Variants in ATXN3 observed in about 807,000 individuals in gnomAD.
ATXN3 encodes the protein ataxin-3.
ATXN3 carries 28 observed loss-of-function variants against 58.2 expected under a neutral mutation model. That is an observed-to-expected ratio of 0.48 (90% CI 0.36 to 0.66). The LOEUF (loss-of-function observed/expected upper bound fraction) is 0.66. ATXN3 is among the 30% of genes least tolerant of loss of function. ATXN3 has a pLI of 0.00. For missense variants in ATXN3, 321 were observed against 422.1 expected (o/e 0.76, Z 2.10); for synonymous variants, 113 against 138.5 (o/e 0.82, Z 1.29).
intron 7 of ATXN3, among the ~76,000 whole-genome samples, chr14:92,082,864 G>A (rs2061717481): frequency 6.6e-6 from 1 of 151,940 alleles, no homozygotes; most frequent in African/African-American, 2.4e-5. Context: ...TGCCCAGGCT[G>A]GTCTCGAACT....
At chr14:92,083,495 A>G (rs1174059154) in intron 6 of ATXN3, 1 of 627,320 alleles carries the variant, frequency 1.6e-6, no homozygotes, top group Non-Finnish European at 2.9e-6. Flanking sequence ...GAGCCGTCTC[A>G]TTGAGTGACT....
chr14:92,055,475 C>T (rs1595427244), downstream of ATXN3, among the ~76,000 whole-genome samples: 1 of 152,114 alleles, frequency 6.6e-6, no homozygotes. The surrounding 1 kb of genome is among the most constrained non-coding windows in gnomAD (Gnocchi z 4.5). Flanking sequence ...TTTTCATCTT[C>T]CCAAACTGAA....
At chr14:92,068,318 G>T (rs1189369992) in intron 10 of ATXN3, among the ~76,000 whole-genome samples, 1 of 152,186 alleles carries the variant, frequency 6.6e-6, no homozygotes, top group Non-Finnish European at 1.5e-5. Context: ...TTGCTGACAG[G>T]GGTGAATGGG....
chr14:92,105,884 A>G (rs186350061), intron 1 of ATXN3, among the ~76,000 whole-genome samples: 10 of 152,252 alleles, frequency 6.6e-5, no homozygotes, highest in Admixed American at 6.5e-4. Flanking sequence ...AAACCCAAAC[A>G]TCCCGTAATA....
At chr14:92,106,430 GC>G (rs2068427686) in intron 1 of ATXN3, 98 bp downstream of exon 1, 1 of 1,501,800 alleles carries the variant, frequency 6.7e-7, no homozygotes, top group African/African-American at 1.4e-5. Flanking sequence ...CGGCATGGGG[GC>G]GACTCGGGCC....
At chr14:92,076,202 T>C (rs889134444) in intron 9 of ATXN3, among the ~76,000 whole-genome samples, 2 of 152,168 alleles carry the variant, frequency 1.3e-5, no homozygotes, top group African/African-American at 2.4e-5. Flanking sequence ...TCCCAGCATG[T>C]TGGGAGACCC....
At chr14:92,075,513 T>C (rs1175663278) in intron 9 of ATXN3, among the ~76,000 whole-genome samples, 1 of 152,194 alleles carries the variant, frequency 6.6e-6, no homozygotes, top group Non-Finnish European at 1.5e-5. Flanking sequence ...CTTTATGCAT[T>C]TATGCAATTA....
chr14:92,048,513 C>T (rs2057436869), intron 1 of ATXN3, among the ~76,000 whole-genome samples: 1 of 152,146 alleles, frequency 6.6e-6, no homozygotes, highest in Non-Finnish European at 1.5e-5. Flanking sequence ...GGGTTGTTGC[C>T]AAACAGGCCA....
intron 9 of ATXN3, among the ~76,000 whole-genome samples, chr14:92,075,353 G>T (rs2140477833): frequency 6.6e-6 from 1 of 152,144 alleles, no homozygotes; most frequent in African/African-American, 2.4e-5. Context: ...TTTTAGTAGA[G>T]AAGAGGTTTC....
Position 92,080,453 on chromosome 14 carries a change from G to A in ATXN3, c.872+512C>T, listed in dbSNP as rs906588579. On this transcript the variant is annotated intron_variant, in intron 9 of 10. Coordinates refer to ENST00000644486, the MANE Select transcript of ATXN3 (RefSeq NM_004993.6). ...AATTTTATAAGGTTTCCTTCACTCAGTTTAAAAAATTTATCCAGTATTGGG... is the reference window on the plus strand; with the variant it reads ...AATTTTATAAGGTTTCCTTCACTCAATTTAAAAAATTTATCCAGTATTGGG... The A allele has an allele frequency of 2.6e-5, 4 of 153,206 alleles. No individual in the cohort carries two copies. In the Middle Eastern group the frequency reaches 2.3e-3, roughly 88 times the overall value. The allele number at this position is 153,206 out of a possible 1,614,324, so 9.5% of individuals were successfully genotyped here. A position where few individuals can be genotyped will look rare whatever the true frequency, so the allele number is the denominator to read the frequency against.
chr14:92,069,496 C>T (rs934781128), intron 10 of ATXN3, among the ~76,000 whole-genome samples: 9 of 151,074 alleles, frequency 6.0e-5, no homozygotes, highest in Non-Finnish European at 8.8e-5. Flanking sequence ...GCCTCAGCCT[C>T]CTGAATAGCT....
intron 1 of ATXN3, among the ~76,000 whole-genome samples, chr14:92,102,938 C>T (rs993292651): frequency 6.6e-6 from 1 of 152,140 alleles, no homozygotes; most frequent in African/African-American, 2.4e-5. Flanking sequence ...ATCCAGCAAT[C>T]ACAAAAGGGC....
chr14:92,096,845 T>C lies in ATXN3; in HGVS notation c.25-7A>G, dbSNP rs1242314283. 3.7e-6 allele frequency: 6 copies of C among 1,611,900 alleles called. No individual in the cohort carries two copies. Among genetic ancestry groups the C allele is most frequent in the Non-Finnish European group, 5.1e-6 (6 of 1,178,492 alleles). On this transcript the variant is annotated splice_polypyrimidine_tract_variant and splice_region_variant and intron_variant, in intron 1 of 10. Coordinates refer to ENST00000644486, the MANE Select transcript of ATXN3 (RefSeq NM_004993.6). ...CACAAAGTGAGCCTTCTTGCTAATA[T>C]TTCCAAAAGAAAAAATTAAAATGTG...
At chr14:92,097,464 G>T (rs1238105980) in intron 1 of ATXN3, among the ~76,000 whole-genome samples, 3 of 151,194 alleles carry the variant, frequency 2.0e-5, no homozygotes, top group Non-Finnish European at 4.4e-5. Context: ...CTGATCTTGT[G>T]ATCCGCCTGC....
Position 92,089,484 on chromosome 14 carries a change from G to A in ATXN3, c.388-667C>T, listed in dbSNP as rs555785134. Among the ~76,000 whole-genome samples the A allele has an allele frequency of 1.7e-4, 26 of 151,608 alleles. No individual in the cohort carries two copies. In the East Asian group the frequency reaches 3.5e-3, roughly 20 times the overall value. ...CTCCCGAGTAGCTGGGACTACAGGC[G>A]CACGCCGCCACACCCAGCTATTTTT... On this transcript the variant is annotated intron_variant, in intron 5 of 10. Transcript: ENST00000644486.
downstream of ATXN3, among the ~76,000 whole-genome samples, chr14:92,057,522 T>C (rs2057485547): frequency 6.6e-6 from 1 of 152,132 alleles, no homozygotes; most frequent in South Asian, 2.1e-4. Flanking sequence ...CTCTACTTTC[T>C]TAATGAACTA....
upstream of ATXN3, among the ~76,000 whole-genome samples, chr14:92,052,681 A>G (rs1595426383): frequency 1.3e-5 from 2 of 152,038 alleles, no homozygotes; most frequent in African/African-American, 4.8e-5. Flanking sequence ...TTTTGTGCAC[A>G]CCAGCCAGCA....
intron 1 of ATXN3, among the ~76,000 whole-genome samples, chr14:92,102,539 T>G (rs1324421546): frequency 1.3e-5 from 2 of 152,124 alleles, no homozygotes; most frequent in Non-Finnish European, 2.9e-5. Context: ...CCTAAGGTGC[T>G]CTCGGGAATG....
At chr14:92,089,236 C>A (rs1439419088) in intron 5 of ATXN3, among the ~76,000 whole-genome samples, 1 of 151,054 alleles carries the variant, frequency 6.6e-6, no homozygotes, top group Non-Finnish European at 1.5e-5. Flanking sequence ...CCAGGCTGGT[C>A]TCAAACTCCT....
Sources: allele counts gnomAD v4.1 joint callset (sites outside exome capture counted in the v4.1 genomes callset), GRCh38; gene constraint gnomAD v4.1.1; non-coding constraint Gnocchi (gnomAD v3.1); transcripts MANE v1.5; gene names NCBI Gene and HGNC (gene_info 2026-07-23, HGNC 2026-07-21).